The following SNX2 variants were observed in gnomAD, a reference collection of about 807,000 sequenced individuals.
The protein encoded by SNX2 is sorting nexin-2.
Under a neutral mutation model 69.9 loss-of-function variants are expected in SNX2, and 25 were observed. The observed-to-expected ratio is 0.36, with a 90% CI of 0.26 to 0.50. The LOEUF is 0.50. Ranked by LOEUF, SNX2 falls within the 20% of genes least tolerant of loss-of-function variation. The pLI, the probability that SNX2 is intolerant of heterozygous loss-of-function variation, is 0.97. For synonymous variants in SNX2, 229 were observed against 200.4 expected, an observed-to-expected ratio of 1.14 and a Z score of -1.20; for missense variants, 551 against 613.3, an observed-to-expected ratio of 0.90 and a Z score of 1.07.
At position 122,834,391 on chromosome 5, in the gene SNX2, A is replaced by G. The variant is rs926023285; in HGVS notation, c.*4743A>G. ...GGCAAAATGGAAACTTTGTAACTGA[A>G]GCCAGTCAAGGTGAATACACAGAAA... is the stretch of plus-strand genomic sequence containing the variant. On this transcript the variant is annotated 3_prime_UTR_variant, in exon 15 of 15. Transcript: ENST00000379516. The G allele has an allele frequency of 9.2e-5, 14 of 152,206 alleles. No homozygotes were observed. Among genetic ancestry groups the G allele is most frequent in the Admixed American group, 3.9e-4 (6 of 15,286 alleles). 9.4% of individuals were successfully genotyped at this position (152,206 alleles called of 1,614,324 possible).
intron 11 of SNX2, among the ~76,000 whole-genome samples, chr5:122,822,403 A>G (rs1365181290): frequency 6.6e-6 from 1 of 152,174 alleles, no homozygotes; most frequent in Non-Finnish European, 1.5e-5. Flanking sequence ...TTTTCTGTGA[A>G]TGAACTCTTC....
chr5:122,819,426 A>G (rs1486669773), intron 11 of SNX2, among the ~76,000 whole-genome samples: 3 of 152,180 alleles, frequency 2.0e-5, no homozygotes, highest in African/African-American at 7.2e-5. Flanking sequence ...GAATATGTTT[A>G]ATGGGGGCTT....
At chr5:122,817,914 T>C (rs1267124023) in intron 10 of SNX2, among the ~76,000 whole-genome samples, 2 of 152,154 alleles carry the variant, frequency 1.3e-5, no homozygotes, top group Non-Finnish European at 2.9e-5. Flanking sequence ...ATTTGAGTTG[T>C]AATATTTTAA....
intron 6 of SNX2, among the ~76,000 whole-genome samples, chr5:122,805,562 CA>C (rs1356057991): frequency 6.6e-6 from 1 of 151,706 alleles, no homozygotes; most frequent in Non-Finnish European, 1.5e-5. Flanking sequence ...TTTTTAAATT[CA>C]AAAATTGAGT....
intron 1 of SNX2, among the ~76,000 whole-genome samples, chr5:122,777,653 C>G (rs1752883842): frequency 6.6e-6 from 1 of 151,998 alleles, no homozygotes; most frequent in Admixed American, 6.6e-5. Flanking sequence ...GCTTGTAATG[C>G]CTATGCATTA....
chr5:122,791,710 C>T (rs184762679), intron 1 of SNX2, among the ~76,000 whole-genome samples: 61 of 152,376 alleles, frequency 4.0e-4, no homozygotes, highest in African/African-American at 1.4e-3. Context: ...AGCCACCGCG[C>T]CTGGCCCTCA....
intron 11 of SNX2, 86 bp from the exon 12 acceptor site, chr5:122,825,964 T>C: frequency 2.4e-6 from 3 of 1,237,198 alleles, no homozygotes; most frequent in Non-Finnish European, 3.3e-6. Context: ...TTGGTTTTAT[T>C]GTTTTCAGTA....
chr5:122,817,765 T>A (rs13186221), intron 10 of SNX2, among the ~76,000 whole-genome samples: 30,924 of 152,038 alleles, frequency 0.2, 3,568 homozygotes, highest in East Asian at 0.46. Flanking sequence ...AACTTGAGAT[T>A]TGAAAATTGC....
Position 122,815,885 on chromosome 5 carries a change from CTT to C in SNX2, c.723-10_723-9del. On this transcript the variant is annotated splice_polypyrimidine_tract_variant and intron_variant, in intron 7 of 14. Coordinates refer to ENST00000379516, the MANE Select transcript of SNX2 (RefSeq NM_003100.4). The stretch of plus-strand genomic sequence containing the variant: ...CTACTGATAAAGGAGCAATTTTACT[CTT>C]AAATCTAGGTATCTTCAAAGAACAG... The C allele has an allele frequency of 1.3e-6, 2 of 1,513,712 alleles. No individual in the cohort carries two copies. The highest frequency in any genetic ancestry group is 2.5e-5 in the South Asian group (2 of 80,018). 93.8% of individuals were successfully genotyped at this position (1,513,712 alleles called of 1,614,324 possible). A position where few individuals can be genotyped will look rare whatever the true frequency, so the allele number is the denominator to read the frequency against.
intron 1 of SNX2, among the ~76,000 whole-genome samples, chr5:122,791,530 C>T (rs981342814): frequency 6.6e-6 from 1 of 152,246 alleles, no homozygotes; most frequent in East Asian, 1.9e-4. Flanking sequence ...GGTACGCCTG[C>T]CTTGGCCTCC....
intron 6 of SNX2, among the ~76,000 whole-genome samples, chr5:122,806,138 G>GCACACACACACA (rs1314424933): frequency 4.1e-4 from 25 of 61,598 alleles, no homozygotes; most frequent in African/African-American, 1.0e-3. Context: ...ATACACACGC[G>GCACACACACACA]CGCGCACACA....
At chr5:122,822,873 A>G (rs1581646842) in intron 11 of SNX2, among the ~76,000 whole-genome samples, 2 of 152,224 alleles carry the variant, frequency 1.3e-5, no homozygotes, top group African/African-American at 2.4e-5. Flanking sequence ...ATACTAAAAA[A>G]ATGTATTTAA....
At chr5:122,789,679 T>A (rs909575942) in intron 1 of SNX2, among the ~76,000 whole-genome samples, 6 of 152,182 alleles carry the variant, frequency 3.9e-5, no homozygotes, top group Middle Eastern at 3.2e-3. Flanking sequence ...ATATGACCCC[T>A]TTGTCTGATT....
At chr5:122,781,686 AT>A (rs1344875895) in intron 1 of SNX2, among the ~76,000 whole-genome samples, 1 of 152,166 alleles carries the variant, frequency 6.6e-6, no homozygotes, top group Non-Finnish European at 1.5e-5. Context: ...ATCAATTTTA[AT>A]TTTAGGCAGT....
Position 122,799,698 on chromosome 5 carries a change from CAGA to C in SNX2, c.239_241del (p.Glu80del), listed in dbSNP as rs746123917. 2 of 1,610,740 alleles carry C rather than the reference CAGA, an allele frequency of 1.2e-6. No homozygotes were observed. Among genetic ancestry groups the C allele is most frequent in the Non-Finnish European group, 1.7e-6 (2 of 1,178,246 alleles). ...TTGTTTAATCTATGTCTAGAAGCCA[CAGA>C]AGAAGTTTCTTTGGACAGCCCTGAA... On this transcript the variant is annotated inframe_deletion, in exon 3 of 15. Transcript: ENST00000379516.
chr5:122,821,110 TTTTG>T (rs1220692160), intron 11 of SNX2, among the ~76,000 whole-genome samples: 3 of 152,206 alleles, frequency 2.0e-5, no homozygotes, highest in African/African-American at 7.2e-5. Flanking sequence ...TTTTTATGGT[TTTTG>T]TTTTTGTCCT....
In SNX2 at chr5:122,831,011, A is replaced by C. The variant is rs1754276472; in HGVS notation, c.*1363A>C. 9.9e-6 allele frequency among the ~76,000 whole-genome samples: 1 copy of C among 100,696 alleles called. No individual in the cohort carries two copies. Among genetic ancestry groups the C allele is most frequent in the Non-Finnish European group, 2.0e-5 (1 of 48,872 alleles). The allele number at this position is 100,696 out of a possible 152,430, so 66.1% of individuals were successfully genotyped here. A position where few individuals can be genotyped will look rare whatever the true frequency, so the allele number is the denominator to read the frequency against. On this transcript the variant is annotated 3_prime_UTR_variant, in exon 15 of 15. Transcript: ENST00000379516. ...GCAACAAAAGCAAAACTCCATCTCAAAAAAAAAAAAAAAAAAAAAAAAGAT... is the reference window on the plus strand; with the variant it reads ...GCAACAAAAGCAAAACTCCATCTCACAAAAAAAAAAAAAAAAAAAAAAGAT...
intron 6 of SNX2, among the ~76,000 whole-genome samples, chr5:122,806,142 G>GCGCACGCACACACACA: frequency 8.4e-5 from 11 of 130,584 alleles, no homozygotes; most frequent in African/African-American, 2.6e-4. Flanking sequence ...ACACGCGCGC[G>GCGCACGCACACACACA]CACACACACA....
chr5:122,798,272 C>T (rs905374822), intron 2 of SNX2, among the ~76,000 whole-genome samples: 10 of 151,972 alleles, frequency 6.6e-5, no homozygotes, highest in Non-Finnish European at 1.0e-4. Context: ...TATTTTGTTA[C>T]GGTAGGCTTA....
Sources: allele counts gnomAD v4.1 joint callset (sites outside exome capture counted in the v4.1 genomes callset), GRCh38; gene constraint gnomAD v4.1.1; transcripts MANE v1.5; gene names NCBI Gene and HGNC (gene_info 2026-07-23, HGNC 2026-07-21).